MEOX2: variants seen among roughly 807,000 people sequenced by gnomAD.
MEOX2 encodes the protein homeobox protein MOX-2.
A neutral mutation model predicts 27.0 loss-of-function variants in MEOX2; 11 were observed. That is an observed-to-expected ratio of 0.41 (90% CI 0.26 to 0.68). MEOX2 has a LOEUF of 0.68. Ranked by LOEUF, MEOX2 falls within the 30% of genes least tolerant of loss-of-function variation. MEOX2 has a pLI of 0.33. For missense variants in MEOX2, 436 were observed against 385.4 expected (o/e 1.13, Z -1.10); for synonymous variants, 189 against 155.4 (o/e 1.22, Z -1.61).
intron 1 of MEOX2, among the ~76,000 whole-genome samples, chr7:15,655,255 T>C (rs975056183): frequency 2.6e-5 from 4 of 151,734 alleles, no homozygotes; most frequent in African/African-American, 9.7e-5. Flanking sequence ...TGCTGGCATT[T>C]TTGTGGCTTC....
In MEOX2 at chr7:15,625,802, G is replaced by A. The variant is rs570222020; in HGVS notation, c.690+944C>T. ...CAAGAATCTGTACAAGGAATTCACT[G>A]GGAACACTGTTAGAACAAATCATTT... On this transcript the variant is annotated intron_variant, in intron 2 of 2. Transcript: ENST00000262041. 1.2e-4 allele frequency among the ~76,000 whole-genome samples: 19 copies of A among 152,218 alleles called. No homozygotes were observed. In the South Asian group the frequency reaches 3.9e-3, roughly 32 times the overall value.
At chr7:15,641,775 A>C (rs1483724085) in intron 1 of MEOX2, among the ~76,000 whole-genome samples, 1 of 151,522 alleles carries the variant, frequency 6.6e-6, no homozygotes, top group Non-Finnish European at 1.5e-5. Context: ...CATTTTTAGA[A>C]CTCCCTTGAG....
chr7:15,685,532 G>C (rs1027179417), intron 1 of MEOX2, among the ~76,000 whole-genome samples: 1 of 152,162 alleles, frequency 6.6e-6, no homozygotes, highest in Non-Finnish European at 1.5e-5. Flanking sequence ...CCTGCCCAAC[G>C]GACGCTGCAT....
chr7:15,619,927 C>T (rs151224032), intron 2 of MEOX2, among the ~76,000 whole-genome samples: 7 of 151,918 alleles, frequency 4.6e-5, no homozygotes, highest in African/African-American at 1.4e-4. Context: ...TTGTTTGCAC[C>T]GAATAGATCT....
intron 2 of MEOX2, among the ~76,000 whole-genome samples, chr7:15,626,172 C>A (rs1416869219): frequency 6.6e-6 from 1 of 152,076 alleles, no homozygotes; most frequent in East Asian, 1.9e-4. Flanking sequence ...ACTTCCAATT[C>A]TTTCTTATTT....
intron 1 of MEOX2, among the ~76,000 whole-genome samples, chr7:15,646,502 T>C (rs1351644531): frequency 2.0e-5 from 3 of 152,034 alleles, no homozygotes; most frequent in Non-Finnish European, 4.4e-5. Context: ...CAAAGTATAG[T>C]CAGTAAAATC....
chr7:15,666,154 T>A (rs146758582), intron 1 of MEOX2, among the ~76,000 whole-genome samples: 48 of 152,268 alleles, frequency 3.2e-4, no homozygotes, highest in African/African-American at 1.1e-3. Context: ...AAAAGTCACA[T>A]AACTTGTTTC....
In MEOX2 at chr7:15,617,930, A is replaced by G. The variant is rs556851805; in HGVS notation, c.691-5319T>C. Reference sequence around the variant, plus strand: ...GAATACACATTAGCTATAGACAGCCATGGACAAATAACATATTGAACAAGG... The same window carrying G: ...GAATACACATTAGCTATAGACAGCCGTGGACAAATAACATATTGAACAAGG... On this transcript the variant is annotated intron_variant, in intron 2 of 2. Coordinates refer to ENST00000262041, the MANE Select transcript of MEOX2 (RefSeq NM_005924.5). Among the ~76,000 whole-genome samples, 24 of 152,226 alleles carry G rather than the reference A, an allele frequency of 1.6e-4. 1 individual carries two copies. In the South Asian group the frequency reaches 4.6e-3, roughly 29 times the overall value.
chr7:15,621,257 C>T (rs1298217448), intron 2 of MEOX2, among the ~76,000 whole-genome samples: 1 of 152,198 alleles, frequency 6.6e-6, no homozygotes, highest in Non-Finnish European at 1.5e-5. Flanking sequence ...CTGGAGTGAT[C>T]TGTAACTGTT....
chr7:15,629,770 T>G (rs1781372140), intron 1 of MEOX2, among the ~76,000 whole-genome samples: 1 of 151,534 alleles, frequency 6.6e-6, no homozygotes, highest in African/African-American at 2.4e-5. Context: ...TTAAAATATT[T>G]TTACCTCTTT....
rs1781626934 is a variant in MEOX2 at position 15,645,473 on chromosome 7, AG to A, written c.518-18556del. ...TAGACATGGGCTCATACCAGTGAAA[AG>A]AAACACCAAATTCGCCATGACTGCA... is the stretch of plus-strand genomic sequence containing the variant. On this transcript the variant is annotated intron_variant, in intron 1 of 2. Transcript: ENST00000262041. Among the ~76,000 whole-genome samples the A allele has an allele frequency of 2.0e-5, 3 of 152,212 alleles. No individual in the cohort carries two copies. The South Asian group carries it at 6.2e-4, about 31-fold the overall frequency.
At chr7:15,656,183 G>C (rs1038987457) in intron 1 of MEOX2, among the ~76,000 whole-genome samples, 1 of 151,444 alleles carries the variant, frequency 6.6e-6, no homozygotes, top group African/African-American at 2.4e-5. Context: ...TTTGATTAAA[G>C]TTTGCCTGGT....
intron 1 of MEOX2, among the ~76,000 whole-genome samples, chr7:15,634,118 C>G (rs1781448027): frequency 6.6e-6 from 1 of 151,802 alleles, no homozygotes; most frequent in Admixed American, 6.6e-5. Flanking sequence ...ATCAGTCTCC[C>G]TATTATAAAA....
intron 1 of MEOX2, among the ~76,000 whole-genome samples, chr7:15,638,816 C>A (rs1173291616): frequency 6.6e-6 from 1 of 152,066 alleles, no homozygotes; most frequent in East Asian, 1.9e-4. Flanking sequence ...GGATTTGATA[C>A]CTTTTTTATG....
intron 1 of MEOX2, among the ~76,000 whole-genome samples, chr7:15,628,004 A>G (rs1421893086): frequency 6.6e-6 from 1 of 152,108 alleles, no homozygotes; most frequent in East Asian, 1.9e-4. Flanking sequence ...AAGTGTGAAT[A>G]CACTTAACTC....
intron 1 of MEOX2, 77 bp downstream of exon 1, chr7:15,685,809 C>G: frequency 6.7e-7 from 1 of 1,501,296 alleles, no homozygotes. Flanking sequence ...CCCTCCAGTG[C>G]GAGAATCTCC....
intron 2 of MEOX2, among the ~76,000 whole-genome samples, chr7:15,616,837 T>G (rs1010653168): frequency 1.3e-5 from 2 of 151,982 alleles, no homozygotes; most frequent in Non-Finnish European, 2.9e-5. Flanking sequence ...TGTACTGTGT[T>G]AGATCAAAGA....
intron 1 of MEOX2, among the ~76,000 whole-genome samples, chr7:15,636,906 A>T (rs1199149487): frequency 6.6e-6 from 1 of 152,008 alleles, no homozygotes; most frequent in Non-Finnish European, 1.5e-5. Flanking sequence ...TCATAGTGGC[A>T]TTAATCCATT....
intron 1 of MEOX2, among the ~76,000 whole-genome samples, chr7:15,671,960 G>A (rs73060514): frequency 0.2 from 30,929 of 151,712 alleles, 3,628 homozygotes; most frequent in East Asian, 0.39. Context: ...AGGCATGCTC[G>A]TGCATGCCTG....
Sources: gnomAD v4.1 joint callset for allele counts (sites outside exome capture counted in the v4.1 genomes callset) on GRCh38, gnomAD v4.1.1 for gene constraint, MANE v1.5 for transcripts, NCBI Gene and HGNC (gene_info 2026-07-23, HGNC 2026-07-21) for gene names.